The following GAB2 variants were observed in gnomAD, a reference collection of about 807,000 sequenced individuals.
GAB2 encodes the protein GRB2 associated binding protein 2.
Under a neutral mutation model 65.5 loss-of-function variants are expected in GAB2, and 26 were observed. That is an observed-to-expected ratio of 0.40 (90% CI 0.29 to 0.55). The LOEUF is 0.55. Ranked by LOEUF, GAB2 falls within the 20% of genes least tolerant of loss-of-function variation. GAB2 has a pLI of 0.53. For missense variants in GAB2, 884 were observed against 875.8 expected, an observed-to-expected ratio of 1.01 and a Z score of -0.12; for synonymous variants, 321 against 329.6, an observed-to-expected ratio of 0.97 and a Z score of 0.28.
chr11:78,365,702 T>G lies in GAB2; in HGVS notation c.75+51944A>C, dbSNP rs1856487626. Among the ~76,000 whole-genome samples the G allele has an allele frequency of 2.0e-5, 3 of 152,304 alleles. No homozygotes were observed. In the East Asian group the frequency reaches 5.8e-4, roughly 29 times the overall value. On this transcript the variant is annotated intron_variant, in intron 1 of 9. Transcript: ENST00000361507. ...GTGAGGCAAGCAAACTGATGACCAT[T>G]CATCATCTTCTCACTCCCCCAAGGA...
chr11:78,296,959 A>C (rs1176886146), intron 1 of GAB2, among the ~76,000 whole-genome samples: 1 of 152,198 alleles, frequency 6.6e-6, no homozygotes, highest in Non-Finnish European at 1.5e-5. Flanking sequence ...AATCCCCTTC[A>C]CGAGGGCTCT....
intron 1 of GAB2, among the ~76,000 whole-genome samples, chr11:78,335,979 A>G (rs181980256): frequency 2.6e-5 from 4 of 152,182 alleles, no homozygotes; most frequent in Admixed American, 1.3e-4. Flanking sequence ...TAGGCATTTA[A>G]TTTTATTTGT....
At chr11:78,241,314 C>G (rs1323514254) in intron 3 of GAB2, among the ~76,000 whole-genome samples, 2 of 152,202 alleles carry the variant, frequency 1.3e-5, no homozygotes, top group Admixed American at 6.5e-5. Flanking sequence ...GAAAGTCTTT[C>G]TCTAAGAAAT....
At chr11:78,263,209 G>A (rs114327851) in intron 2 of GAB2, among the ~76,000 whole-genome samples, 51 of 152,276 alleles carry the variant, frequency 3.3e-4, no homozygotes, top group African/African-American at 1.2e-3. Context: ...ATAACCAAGA[G>A]AAGAAATGAC....
chr11:78,219,539 A>C (rs576961555), intron 9 of GAB2, 124 bp from the exon 10 acceptor site: 120 of 839,992 alleles, frequency 1.4e-4, no homozygotes, highest in Admixed American at 8.8e-4. Context: ...TCTGCCTGCC[A>C]CTGACCAGCC....
At chr11:78,273,231 T>C (rs983889037) in intron 2 of GAB2, among the ~76,000 whole-genome samples, 2 of 152,170 alleles carry the variant, frequency 1.3e-5, no homozygotes, top group Non-Finnish European at 2.9e-5. Context: ...CCCAGAATGG[T>C]AGATCCACTG....
At chr11:78,346,666 A>T (rs1856184431) in intron 1 of GAB2, among the ~76,000 whole-genome samples, 1 of 114,656 alleles carries the variant, frequency 8.7e-6, no homozygotes, top group Non-Finnish European at 1.7e-5. Flanking sequence ...TTCTGTTTAC[A>T]TCCCCTCCAT....
chr11:78,231,278 G>A (rs772870858), intron 3 of GAB2, among the ~76,000 whole-genome samples: 1 of 152,012 alleles, frequency 6.6e-6, no homozygotes, highest in African/African-American at 2.4e-5. Flanking sequence ...TCTTCCAGAG[G>A]CTATAGAGGC....
intron 3 of GAB2, among the ~76,000 whole-genome samples, chr11:78,233,250 G>A (rs924503840): frequency 6.6e-6 from 1 of 152,112 alleles, no homozygotes; most frequent in African/African-American, 2.4e-5. Flanking sequence ...GCCCGGGCTG[G>A]TCTCAAACTT....
At chr11:78,224,074 T>G (rs2134461668) in intron 5 of GAB2, among the ~76,000 whole-genome samples, 1 of 152,028 alleles carries the variant, frequency 6.6e-6, no homozygotes, top group South Asian at 2.1e-4. Context: ...AGAGTGAGAC[T>G]CTGTTTCAAA....
intron 1 of GAB2, among the ~76,000 whole-genome samples, chr11:78,360,690 T>C (rs1856423151): frequency 6.6e-6 from 1 of 152,118 alleles, no homozygotes; most frequent in African/African-American, 2.4e-5. Flanking sequence ...AAAACCTGTC[T>C]GTACTAAAAA....
In GAB2 at chr11:78,223,596, G is replaced by T; in HGVS notation, c.1383C>A (p.Thr461=). 1 of 1,613,534 alleles carries T rather than the reference G, an allele frequency of 6.2e-7. No individual in the cohort carries two copies. The highest frequency in any genetic ancestry group is 8.5e-7 in the Non-Finnish European group (1 of 1,179,616). ...CACCTGCTCGTTCCATGGCCAACAG[G>T]GTGGAAGAACCTGGATTCATGGGCA... ...NYVPMNPGSS[T]LLAMERAGDN... Residue 461 remains threonine, a synonymous_variant, in exon 6 of 10, where the codon ACC becomes ACA. Transcript: ENST00000361507.
chr11:78,363,598 T>G (rs1256695385), intron 1 of GAB2, among the ~76,000 whole-genome samples: 1 of 151,728 alleles, frequency 6.6e-6, no homozygotes, highest in Non-Finnish European at 1.5e-5. Flanking sequence ...TTTTTTTTTT[T>G]TTTTGAGACA....
intron 1 of GAB2, among the ~76,000 whole-genome samples, chr11:78,331,979 G>C (rs769489834): frequency 1.3e-5 from 2 of 152,106 alleles, no homozygotes; most frequent in Non-Finnish European, 2.9e-5. Context: ...ATTTGTGTTG[G>C]GCAACCCAAG....
At chr11:78,270,439 A>C (rs1565135401) in intron 2 of GAB2, among the ~76,000 whole-genome samples, 1 of 152,128 alleles carries the variant, frequency 6.6e-6, no homozygotes, top group Non-Finnish European at 1.5e-5. Flanking sequence ...GCCATGGTAA[A>C]CAGCTCTGTG....
At chr11:78,223,361 A>G in intron 6 of GAB2, 51 bp downstream of exon 6, 2 of 1,418,488 alleles carry the variant, frequency 1.4e-6, no homozygotes, top group Non-Finnish European at 1.9e-6. Context: ...GCAAATGGAA[A>G]GAGTCCCTAG....
intron 4 of GAB2, among the ~76,000 whole-genome samples, chr11:78,225,733 T>G (rs1864622375): frequency 6.6e-6 from 1 of 152,164 alleles, no homozygotes; most frequent in East Asian, 1.9e-4. Flanking sequence ...TCTGGCACAA[T>G]GACTCTGCAA....
chr11:78,404,503 T>C (rs1857015529), intron 1 of GAB2, among the ~76,000 whole-genome samples: 2 of 152,240 alleles, frequency 1.3e-5, no homozygotes, highest in Non-Finnish European at 2.9e-5. Flanking sequence ...GCCAAGATTG[T>C]ACCACTACAC....
At chr11:78,284,800 C>T (rs1565142355) in intron 1 of GAB2, among the ~76,000 whole-genome samples, 1 of 152,076 alleles carries the variant, frequency 6.6e-6, no homozygotes, top group Admixed American at 6.6e-5. Context: ...TAAACTCCTC[C>T]AGGACAAGGA....
Sources: allele counts gnomAD v4.1 joint callset (sites outside exome capture counted in the v4.1 genomes callset), GRCh38; gene constraint gnomAD v4.1.1; transcripts MANE v1.5; gene names NCBI Gene and HGNC (gene_info 2026-07-23, HGNC 2026-07-21).